SLC25A16: variants seen among roughly 807,000 people sequenced by gnomAD.
The protein encoded by SLC25A16 is solute carrier family 25 member 16.
A neutral mutation model predicts 41.5 loss-of-function variants in SLC25A16; 39 were observed. That is an observed-to-expected ratio of 0.94 (90% CI 0.73 to 1.23). The LOEUF is 1.23. Ranked by LOEUF, SLC25A16 falls within the 50% of genes most tolerant of loss-of-function variation. SLC25A16 has a pLI of 0.00. For missense variants in SLC25A16, 421 were observed against 426.9 expected, an observed-to-expected ratio of 0.99 and a Z score of 0.12; for synonymous variants, 146 against 147.8, an observed-to-expected ratio of 0.99 and a Z score of 0.09.
chr10:68,483,488 G>C lies in SLC25A16; in HGVS notation c.943C>G (p.Gln315Glu), dbSNP rs767505383. 1 of 1,612,428 alleles carries C rather than the reference G, an allele frequency of 6.2e-7. No individual in the cohort carries two copies. Among genetic ancestry groups the C allele is most frequent in the African/African-American group, 1.3e-5 (1 of 74,906 alleles). Residue 315 changes from glutamine (Q) to glutamate (E), a missense_variant, in exon 9 of 9, where the codon CAA becomes GAA. Coordinates refer to ENST00000609923, the MANE Select transcript of SLC25A16 (RefSeq NM_152707.4). ...SLNYIRCIPS[Q>E]AVAFTTYELM... The stretch of plus-strand genomic sequence containing the variant: ...TCGTATGTTGTAAAAGCCACTGCTT[G>C]AGAGGGAATACAGCGAATGTAATTA...
intron 6 of SLC25A16, among the ~76,000 whole-genome samples, chr10:68,489,645 G>C (rs1352946150): frequency 6.6e-6 from 1 of 152,170 alleles, no homozygotes; most frequent in South Asian, 2.1e-4. Flanking sequence ...GCTTATGCCT[G>C]TAATCCCAGC....
intron 4 of SLC25A16, among the ~76,000 whole-genome samples, chr10:68,501,960 G>A (rs2052853810): frequency 6.6e-6 from 1 of 152,110 alleles, no homozygotes; most frequent in Non-Finnish European, 1.5e-5. Context: ...CATTTTGGGA[G>A]GCCAAGGCGG....
rs180974973 is a variant in SLC25A16, at chr10:68,502,257, A to C, written c.421+1375T>G. 6.6e-5 allele frequency among the ~76,000 whole-genome samples: 10 copies of C among 152,208 alleles called. No individual in the cohort carries two copies. The East Asian group carries it at 1.9e-3, about 30-fold the overall frequency. On this transcript the variant is annotated intron_variant, in intron 4 of 8. Coordinates refer to ENST00000609923, the MANE Select transcript of SLC25A16 (RefSeq NM_152707.4). ...AAACATGATTAAATGTCTTTACCTT[A>C]GAACGGGGAGAAAATTTCTACATAC...
intron 3 of SLC25A16, among the ~76,000 whole-genome samples, chr10:68,504,356 G>T (rs2052913527): frequency 6.6e-6 from 1 of 151,078 alleles, no homozygotes; most frequent in Admixed American, 6.6e-5. Context: ...TATAGACAAT[G>T]AAGTCCTGAT....
chr10:68,483,462 T>C lies in SLC25A16; in HGVS notation c.969A>G (p.Glu323=). ...PSQAVAFTTY[E]LMKQFFHLN ...TGAGGTGAAAAAACTGCTTCATAAG[T>C]TCGTATGTTGTAAAAGCCACTGCTT... Residue 323 remains glutamate, a synonymous_variant, in exon 9 of 9, where the codon GAA becomes GAG. Coordinates refer to ENST00000609923, the MANE Select transcript of SLC25A16 (RefSeq NM_152707.4). 1 of 1,605,202 alleles carries C rather than the reference T, an allele frequency of 6.2e-7. No individual in the cohort carries two copies. The highest frequency in any genetic ancestry group is 1.1e-5 in the South Asian group (1 of 88,792).
intron 4 of SLC25A16, among the ~76,000 whole-genome samples, chr10:68,498,588 C>T (rs2052790491): frequency 6.6e-6 from 1 of 152,098 alleles, no homozygotes; most frequent in African/African-American, 2.4e-5. Flanking sequence ...CCTGGTTACC[C>T]AGGAGGCTGA....
rs957581388 is a variant in SLC25A16, at chr10:68,479,217, C to T, written c.*4215G>A. On this transcript the variant is annotated 3_prime_UTR_variant, in exon 9 of 9. Transcript: ENST00000609923. ...AAGTCTTCAAAAACAGGGACTAACCCTTCCTTCTACCCACCAGTAAACATC... is the reference window on the plus strand; with the variant it reads ...AAGTCTTCAAAAACAGGGACTAACCTTTCCTTCTACCCACCAGTAAACATC... The T allele has an allele frequency of 1.8e-4, 27 of 152,208 alleles. 1 individual carries two copies. Among genetic ancestry groups the T allele is most frequent in the African/African-American group, 6.5e-4 (27 of 41,450 alleles). The allele number at this position is 152,208 out of a possible 1,614,324, so 9.4% of individuals were successfully genotyped here. A position where few individuals can be genotyped will look rare whatever the true frequency, so the allele number is the denominator to read the frequency against.
rs142006340 is a variant in SLC25A16, at chr10:68,525,066, A to C, written c.130+2180T>G. 1.2e-3 allele frequency among the ~76,000 whole-genome samples: 177 copies of C among 152,114 alleles called. 1 individual carries two copies. The highest frequency in any genetic ancestry group is 1.7e-3 in the Non-Finnish European group (116 of 67,990). ...TGTCTCAAAACAACAACAACAACAAAAAAAACTTAATACTGCTGCAGTCTT... is the reference window on the plus strand; with the variant it reads ...TGTCTCAAAACAACAACAACAACAACAAAAACTTAATACTGCTGCAGTCTT... On this transcript the variant is annotated intron_variant, in intron 1 of 8. Transcript: ENST00000609923.
chr10:68,487,999 G>A (rs1220323526), intron 7 of SLC25A16, among the ~76,000 whole-genome samples: 1 of 152,010 alleles, frequency 6.6e-6, no homozygotes, highest in Non-Finnish European at 1.5e-5. Flanking sequence ...ATTACAGGTG[G>A]CTGCCACCAC....
chr10:68,523,692 C>A (rs1390163546), intron 1 of SLC25A16, among the ~76,000 whole-genome samples: 1 of 152,070 alleles, frequency 6.6e-6, no homozygotes, highest in Non-Finnish European at 1.5e-5. Context: ...CCGGGATGGT[C>A]TTGAACTCCT....
intron 4 of SLC25A16, among the ~76,000 whole-genome samples, chr10:68,494,241 G>A (rs1465454557): frequency 6.6e-6 from 1 of 151,990 alleles, no homozygotes; most frequent in East Asian, 1.9e-4. Flanking sequence ...GAGGCAGGTG[G>A]ATTATGAGGT....
chr10:68,517,028 T>C (rs1191849379), intron 1 of SLC25A16, 185 bp from the exon 2 acceptor site: 1 of 1,204,958 alleles, frequency 8.3e-7, no homozygotes, highest in African/African-American at 1.5e-5. Flanking sequence ...TGAGCATGAT[T>C]ACACTGCTAA....
At chr10:68,510,614 G>A (rs1724801020) in intron 2 of SLC25A16, among the ~76,000 whole-genome samples, 1 of 152,118 alleles carries the variant, frequency 6.6e-6, no homozygotes, top group Non-Finnish European at 1.5e-5. Context: ...GCCGAAGCAG[G>A]CGGATCACCA....
chr10:68,514,052 T>G (rs998454491), intron 2 of SLC25A16, among the ~76,000 whole-genome samples: 3 of 151,350 alleles, frequency 2.0e-5, no homozygotes, highest in Admixed American at 6.6e-5. Context: ...AATTAGCCGG[T>G]CATGGTGGCG....
chr10:68,500,104 G>A, intron 4 of SLC25A16: 1 of 182,648 alleles, frequency 5.5e-6, no homozygotes, highest in Non-Finnish European at 1.1e-5. Context: ...GTAGGACGAG[G>A]GACAGGGAAA....
rs1430894993 is a variant in SLC25A16, at chr10:68,479,298, T to C, written c.*4134A>G. On this transcript the variant is annotated 3_prime_UTR_variant, in exon 9 of 9. Transcript: ENST00000609923. ...GCTCCCTGCCCTTGAAGGAACCAGATATTGGGATGTGGGGACACTGATAAA... is the reference window on the plus strand; with the variant it reads ...GCTCCCTGCCCTTGAAGGAACCAGACATTGGGATGTGGGGACACTGATAAA... The C allele has an allele frequency of 6.6e-6, 1 of 152,134 alleles. No individual in the cohort carries two copies. Among genetic ancestry groups the C allele is most frequent in the Non-Finnish European group, 1.5e-5 (1 of 68,044 alleles). 9.4% of individuals were successfully genotyped at this position (152,134 alleles called of 1,614,324 possible).
chr10:68,487,857 C>G (rs981316071), intron 7 of SLC25A16, among the ~76,000 whole-genome samples: 7 of 148,048 alleles, frequency 4.7e-5, no homozygotes, highest in Non-Finnish European at 8.8e-5. Flanking sequence ...CAAATGCAAT[C>G]TCTCTTTTTT....
intron 2 of SLC25A16, among the ~76,000 whole-genome samples, chr10:68,514,218 C>T (rs755551850): frequency 6.6e-6 from 1 of 152,022 alleles, no homozygotes; most frequent in East Asian, 1.9e-4. Context: ...AATAATAGGC[C>T]GGGCACAGTG....
At chr10:68,522,050 C>A (rs2053259330) in intron 1 of SLC25A16, among the ~76,000 whole-genome samples, 1 of 151,790 alleles carries the variant, frequency 6.6e-6, no homozygotes, top group Non-Finnish European at 1.5e-5. Context: ...GTAGTCCCAG[C>A]TAATCGGGAG....
Sources: gnomAD v4.1 joint callset for allele counts (sites outside exome capture counted in the v4.1 genomes callset) on GRCh38, gnomAD v4.1.1 for gene constraint, MANE v1.5 for transcripts, NCBI Gene and HGNC (gene_info 2026-07-23, HGNC 2026-07-21) for gene names.